KLRG1: variants seen among roughly 807,000 people sequenced by gnomAD.
The protein encoded by KLRG1 is killer cell lectin-like receptor subfamily G member 1.
In KLRG1, 16 loss-of-function variants were observed where a neutral mutation model predicts 21.8. That is an observed-to-expected ratio of 0.73 (90% CI 0.50 to 1.11). The LOEUF (loss-of-function observed/expected upper bound fraction) is 1.11. KLRG1 is among the 50% of genes most tolerant of loss of function. The probability of loss-of-function intolerance (pLI) is 0.00; values close to 1 mark genes in which losing one functional copy is unlikely to be tolerated. For missense variants in KLRG1, 173 were observed against 218.3 expected (o/e 0.79, Z 1.31); for synonymous variants, 69 against 75.9 (o/e 0.91, Z 0.47).
chr12:9,113,260 A>G, the KLRG1 span: 26 of 1,268,756 alleles, frequency 2.0e-5, no homozygotes, highest in Non-Finnish European at 2.7e-5. Context: ...TCCTTCCTGC[A>G]GTTCTTACCA....
chr12:9,009,402 A>T, intron 4 of KLRG1, 24 bp from the exon 5 acceptor site: 1 of 1,613,172 alleles, frequency 6.2e-7, no homozygotes, highest in South Asian at 1.1e-5. Flanking sequence ...GCCTTAAGTG[A>T]TTGACTTTTC....
the KLRG1 span, chr12:9,109,814 A>G: frequency 6.6e-7 from 1 of 1,512,874 alleles, no homozygotes; most frequent in Non-Finnish European, 8.9e-7. Context: ...TCCAGGACCT[A>G]AGAGTTTAAA....
the KLRG1 span, chr12:9,110,391 AT>A: frequency 1.4e-5 from 16 of 1,138,110 alleles, no homozygotes; most frequent in Non-Finnish European, 1.8e-5. Context: ...CTTAAATCTC[AT>A]TTATAAGCAA....
At chr12:9,016,941 G>A in the KLRG1 span, among the ~76,000 whole-genome samples, 4,912 of 152,070 alleles carry the variant, frequency 0.032, 131 homozygotes, top group South Asian at 0.064. Flanking sequence ...AATAGAAAAG[G>A]AGGGAATGCT....
chr12:9,158,233 G>A, the KLRG1 span, among the ~76,000 whole-genome samples: 7 of 152,304 alleles, frequency 4.6e-5, no homozygotes, highest in Admixed American at 6.5e-5. Flanking sequence ...GTGATTCTAC[G>A]TGTGATCCAC....
chr12:8,975,931 C>T (rs755483504), intron 1 of KLRG1, among the ~76,000 whole-genome samples: 103 of 151,974 alleles, frequency 6.8e-4, no homozygotes, highest in African/African-American at 2.4e-3. Flanking sequence ...TTGGTTTTGT[C>T]AATTTTCTTC....
the KLRG1 span, chr12:9,091,460 G>A: frequency 1.9e-6 from 3 of 1,610,470 alleles, no homozygotes; most frequent in Admixed American, 5.0e-5. Flanking sequence ...AGAACAGAAA[G>A]TAAGCAGTTA....
the KLRG1 span, among the ~76,000 whole-genome samples, chr12:9,137,783 G>A: frequency 6.6e-6 from 1 of 151,842 alleles, no homozygotes; most frequent in Non-Finnish European, 1.5e-5. Context: ...TTGTGCTATT[G>A]TAAATGGGAT....
At chr12:9,121,456 G>A in the KLRG1 span, among the ~76,000 whole-genome samples, 1 of 152,044 alleles carries the variant, frequency 6.6e-6, no homozygotes, top group South Asian at 2.1e-4. The surrounding 1 kb of genome is among the most constrained non-coding windows in gnomAD (Gnocchi z 4.4). Flanking sequence ...CACGAGAATC[G>A]CTTAAACCCG....
At chr12:9,080,406 C>T in the KLRG1 span, 21 of 315,980 alleles carry the variant, frequency 6.6e-5, no homozygotes, top group South Asian at 1.1e-3. Flanking sequence ...TATGTAGAAT[C>T]GCATGCCAAA....
rs145299348 is a variant in KLRG1, at chr12:8,999,580, A to G, written c.357+4292A>G. On this transcript the variant is annotated intron_variant, in intron 3 of 4. Coordinates refer to ENST00000356986, the MANE Select transcript of KLRG1 (RefSeq NM_005810.4). ...GCAGCAATGCAAACACTATGGTAAC[A>G]TGGTCACTTTTCTGTATATTTTTAA... Among the ~76,000 whole-genome samples, 106 of 152,350 alleles carry G rather than the reference A, an allele frequency of 7.0e-4. No individual in the cohort carries two copies. In the East Asian group the frequency reaches 0.018, roughly 26 times the overall value.
chr12:9,079,547 A>G, the KLRG1 span: 1 of 1,245,094 alleles, frequency 8.0e-7, no homozygotes, highest in Non-Finnish European at 1.1e-6. Flanking sequence ...GAGCTAAGCT[A>G]ATGTATCATA....
chr12:8,964,489 G>A (rs1199952109), intron 1 of KLRG1, among the ~76,000 whole-genome samples: 1 of 152,190 alleles, frequency 6.6e-6, no homozygotes, highest in African/African-American at 2.4e-5. Context: ...GTGTGGTGTG[G>A]TGCTGAATAG....
At chr12:9,194,546 G>C in the KLRG1 span, among the ~76,000 whole-genome samples, 14 of 146,294 alleles carry the variant, frequency 9.6e-5, 1 homozygote, top group South Asian at 3.2e-3. Context: ...CTCACTGCAA[G>C]CTCTGCCTCC....
the KLRG1 span, chr12:9,200,300 A>G: frequency 9.2e-7 from 1 of 1,087,012 alleles, no homozygotes; most frequent in East Asian, 2.5e-5. Context: ...ATAATTTTGT[A>G]CCTACATAAT....
At chr12:9,072,438 CA>C in the KLRG1 span, 1 of 1,613,452 alleles carries the variant, frequency 6.2e-7, no homozygotes, top group Admixed American at 1.7e-5. Flanking sequence ...ACTCCTAAAG[CA>C]AAGGGGAACT....
At chr12:9,181,206 A>C in the KLRG1 span, 1 of 1,588,222 alleles carries the variant, frequency 6.3e-7, no homozygotes, top group South Asian at 1.1e-5. Flanking sequence ...GCATTTCCTA[A>C]GCCACCCTTA....
the KLRG1 span, chr12:9,070,660 A>T: frequency 1.1e-6 from 1 of 927,494 alleles, no homozygotes; most frequent in Non-Finnish European, 1.7e-6. Flanking sequence ...TAAGCATTCC[A>T]CAGCTCTAAA....
At chr12:9,205,372 G>T in the KLRG1 span, among the ~76,000 whole-genome samples, 3 of 152,080 alleles carry the variant, frequency 2.0e-5, no homozygotes, top group African/African-American at 7.2e-5. Context: ...TGTTTTTGTT[G>T]TTGCTGTTTT....
Sources: gnomAD v4.1 joint callset for allele counts (sites outside exome capture counted in the v4.1 genomes callset) on GRCh38, gnomAD v4.1.1 for gene constraint, Gnocchi (gnomAD v3.1) non-coding constraint, MANE v1.5 for transcripts, NCBI Gene and HGNC (gene_info 2026-07-23, HGNC 2026-07-21) for gene names.